Variants in LMNB1 observed in about 807,000 individuals in gnomAD.
The protein encoded by LMNB1 is lamin B1, also known as lamin-B1.
Under a neutral mutation model 67.1 loss-of-function variants are expected in LMNB1, and 23 were observed. The ratio of observed to expected loss-of-function variants is 0.34; its 90% CI spans 0.25 to 0.49. The LOEUF is 0.49. Ranked by LOEUF, LMNB1 falls within the 20% of genes least tolerant of loss-of-function variation. The probability of loss-of-function intolerance (pLI) is 0.99; values close to 1 mark genes in which losing one functional copy is unlikely to be tolerated. For synonymous variants in LMNB1, 281 were observed against 282.9 expected, an observed-to-expected ratio of 0.99 and a Z score of 0.07; for missense variants, 634 against 746.5, an observed-to-expected ratio of 0.85 and a Z score of 1.76.
At chr5:126,808,862 A>G (rs1024164597) in intron 3 of LMNB1, among the ~76,000 whole-genome samples, 1 of 151,822 alleles carries the variant, frequency 6.6e-6, no homozygotes, top group African/African-American at 2.4e-5. Context: ...TTCTTCAGAT[A>G]TTACCATTCT....
chr5:126,806,238 C>T (rs1469963918), intron 3 of LMNB1, among the ~76,000 whole-genome samples: 2 of 152,200 alleles, frequency 1.3e-5, no homozygotes, highest in Admixed American at 6.5e-5. Flanking sequence ...CAGGTGTGAG[C>T]CACCACATCC....
intron 9 of LMNB1, among the ~76,000 whole-genome samples, chr5:126,829,361 TC>T (rs1490439874): frequency 2.0e-5 from 3 of 151,906 alleles, no homozygotes; most frequent in Non-Finnish European, 2.9e-5. Context: ...GTACGTCTTT[TC>T]TATTTGCTTT....
At position 126,810,248 on chromosome 5, in the gene LMNB1, G is replaced by A; in HGVS notation, c.711G>A (p.Glu237=). The A allele has an allele frequency of 6.2e-7, 1 of 1,614,026 alleles. No homozygotes were observed. Among genetic ancestry groups the A allele is most frequent in the African/African-American group, 1.3e-5 (1 of 75,038 alleles). The change falls in exon 4 of 11, where the codon GAG becomes GAA. Residue 237 remains glutamate (E), a synonymous_variant. Coordinates refer to ENST00000261366, the MANE Select transcript of LMNB1 (RefSeq NM_005573.4). ...AGGTGGATTCTGGGCGTCAAATTGAGTATGAGTACAAGCTGGCGCAAGCCC... is the reference window on the plus strand; with the variant it reads ...AGGTGGATTCTGGGCGTCAAATTGAATATGAGTACAAGCTGGCGCAAGCCC... ...LVEVDSGRQI[E]YEYKLAQALH...
In LMNB1 at chr5:126,819,032, G is replaced by C. The variant is rs772454218; in HGVS notation, c.1050G>C (p.Arg350Ser). 12 of 1,614,096 alleles carry C rather than the reference G, an allele frequency of 7.4e-6. No individual in the cohort carries two copies. In the Admixed American group the frequency reaches 2.0e-4, roughly 27 times the overall value. Residue 350 changes from arginine to serine, a missense_variant, in exon 6 of 11, where the codon AGG becomes AGC. By Grantham distance (110) the Arg-to-Ser change is moderately radical (BLOSUM62 -1). Coordinates refer to ENST00000261366, the MANE Select transcript of LMNB1 (RefSeq NM_005573.4). ...AAGAGAGAGAGATGGCGGAAATAAG[G>C]GATCAAATGCAGCAACAGCTGAATG... ...TDKEREMAEI[R>S]DQMQQQLNDY... is the part of the protein sequence containing the mutation.
Position 126,831,518 on chromosome 5 carries a change from G to A in LMNB1, c.1612-1176G>A, listed in dbSNP as rs371107788. Among the ~76,000 whole-genome samples, 109 of 152,306 alleles carry A rather than the reference G, an allele frequency of 7.2e-4. No homozygotes were observed. The South Asian group carries it at 0.02, about 28-fold the overall frequency. ...GAATACATTGGAACCTCACTAGTAC[G>A]TTATTGGTAAATAGTGTACAGTGTT... On this transcript the variant is annotated intron_variant, in intron 9 of 10. Coordinates refer to ENST00000261366, the MANE Select transcript of LMNB1 (RefSeq NM_005573.4).
chr5:126,805,470 G>C (rs1275359858), intron 2 of LMNB1, 101 bp from the exon 3 acceptor site: 1 of 781,280 alleles, frequency 1.3e-6, no homozygotes, highest in Non-Finnish European at 2.0e-6. Context: ...TAAATATATA[G>C]GAATTTTAAC....
rs1364608597 is a variant in LMNB1, at chr5:126,805,612, T to C, written c.558T>C (p.Asp186=). The part of the protein sequence containing the change: ...SLAAAKKQLA[D]ETLLKVDLEN... ...CTGCAGCCAAAAAACAGTTAGCAGA[T>C]GAAACTTTACTTAAAGTAGATTTGG... is the stretch of plus-strand genomic sequence containing the variant. Residue 186 remains aspartate, a synonymous_variant, in exon 3 of 11, where the codon GAT becomes GAC. Transcript: ENST00000261366. The C allele has an allele frequency of 6.2e-7, 1 of 1,611,510 alleles. No individual in the cohort carries two copies. Among genetic ancestry groups the C allele is most frequent in the Non-Finnish European group, 8.5e-7 (1 of 1,177,784 alleles).
chr5:126,804,238 C>CTTT (rs61232506), intron 1 of LMNB1, among the ~76,000 whole-genome samples: 3,570 of 101,114 alleles, frequency 0.035, 167 homozygotes, highest in Middle Eastern at 0.096. Context: ...GTGCCAGGCT[C>CTTT]TTTTTTTTTT....
intron 8 of LMNB1, 53 bp from the exon 9 acceptor site, chr5:126,825,935 G>A: frequency 6.2e-7 from 1 of 1,611,236 alleles, no homozygotes; most frequent in East Asian, 2.2e-5. Context: ...GCTGTCGTTG[G>A]CGTGTGGGAG....
intron 10 of LMNB1, among the ~76,000 whole-genome samples, chr5:126,834,925 G>A (rs1752217441): frequency 6.6e-6 from 1 of 152,148 alleles, no homozygotes; most frequent in Non-Finnish European, 1.5e-5. Context: ...CAGTTATTTT[G>A]TAGGGTTCAT....
chr5:126,800,982 A>ATATATATATAAATAATTTTTTTTT, intron 1 of LMNB1, among the ~76,000 whole-genome samples: 1 of 18,638 alleles, frequency 5.4e-5, no homozygotes, highest in South Asian at 2.8e-3. Flanking sequence ...TATATATATA[A>ATATATATATAAATAATTTTTTTTT]TTTTTTTTTT....
At chr5:126,819,806 A>T (rs1751815372) in intron 6 of LMNB1, among the ~76,000 whole-genome samples, 1 of 152,054 alleles carries the variant, frequency 6.6e-6, no homozygotes, top group African/African-American at 2.4e-5. Flanking sequence ...ATATATTTTA[A>T]ATCTGGTCAA....
chr5:126,787,546 A>ATTTTTTTTTTTTTTTTTTT (rs142332901), intron 1 of LMNB1, among the ~76,000 whole-genome samples: 8 of 65,570 alleles, frequency 1.2e-4, no homozygotes, highest in Non-Finnish European at 2.2e-4. Context: ...ATATATATAT[A>ATTTTTTTTTTTTTTTTTTT]TTTTTTTTTT....
chr5:126,834,362 C>T (rs1270024990), intron 10 of LMNB1, among the ~76,000 whole-genome samples: 3 of 152,100 alleles, frequency 2.0e-5, no homozygotes, highest in South Asian at 2.1e-4. Context: ...TGCGCCACCA[C>T]GCCTGGCTAA....
At chr5:126,780,971 T>A (rs1031533618) in intron 1 of LMNB1, among the ~76,000 whole-genome samples, 1 of 152,142 alleles carries the variant, frequency 6.6e-6, no homozygotes, top group Non-Finnish European at 1.5e-5. Context: ...TAAGGTAGGC[T>A]GTGTACTGAT....
chr5:126,828,710 G>A (rs895103265), intron 9 of LMNB1, among the ~76,000 whole-genome samples: 3 of 151,952 alleles, frequency 2.0e-5, no homozygotes, highest in Non-Finnish European at 2.9e-5. Flanking sequence ...CTACAGGTGC[G>A]TGCCAACACA....
chr5:126,777,019 G>A (rs947646620), upstream of LMNB1: 3 of 153,574 alleles, frequency 2.0e-5, no homozygotes, highest in African/African-American at 7.2e-5. Context: ...GTAGTCACGT[G>A]GAGGCGCCGG....
At chr5:126,787,209 G>C (rs1750809428) in intron 1 of LMNB1, among the ~76,000 whole-genome samples, 1 of 152,028 alleles carries the variant, frequency 6.6e-6, no homozygotes. Context: ...TAAGTGCTGT[G>C]ATGCCAGTAT....
chr5:126,812,981 G>A (rs538308061), intron 5 of LMNB1, among the ~76,000 whole-genome samples: 2 of 152,000 alleles, frequency 1.3e-5, no homozygotes, highest in Non-Finnish European at 2.9e-5. Flanking sequence ...CACCCGCCTC[G>A]GCTTCCCAGA....
Sources: allele counts gnomAD v4.1 joint callset (sites outside exome capture counted in the v4.1 genomes callset), GRCh38; gene constraint gnomAD v4.1.1; transcripts MANE v1.5; gene names NCBI Gene and HGNC (gene_info 2026-07-23, HGNC 2026-07-21).